TENM2: variants seen among roughly 807,000 people sequenced by gnomAD.
TENM2 encodes teneurin transmembrane protein 2, also known as teneurin-2.
In TENM2, 52 loss-of-function variants were observed where a neutral mutation model predicts 245.2. That is an observed-to-expected ratio of 0.21 (90% CI 0.17 to 0.27). TENM2 has a LOEUF of 0.27. Ranked by LOEUF, TENM2 falls within the 10% of genes least tolerant of loss-of-function variation. The pLI is 1.00. For missense variants in TENM2, 3,046 were observed against 3,666.8 expected, an observed-to-expected ratio of 0.83 and a Z score of 4.37; for synonymous variants, 1,363 against 1,438.9, an observed-to-expected ratio of 0.95 and a Z score of 1.19.
intron 5 of TENM2, among the ~76,000 whole-genome samples, chr5:167,994,534 A>T (rs1035198661): frequency 6.6e-6 from 1 of 152,230 alleles, no homozygotes; most frequent in African/African-American, 2.4e-5. Flanking sequence ...AGGCAGACCA[A>T]TATGAGCCAA....
At chr5:167,520,826 G>A (rs1187978929) in intron 2 of TENM2, among the ~76,000 whole-genome samples, 3 of 151,238 alleles carry the variant, frequency 2.0e-5, no homozygotes, top group African/African-American at 7.3e-5. Flanking sequence ...TCTCAATTGG[G>A]CCTTTCACTT....
intron 2 of TENM2, among the ~76,000 whole-genome samples, chr5:167,516,744 G>A (rs114702387): frequency 0.011 from 1,648 of 152,092 alleles, 33 homozygotes; most frequent in African/African-American, 0.037. Flanking sequence ...CAGGGTTTTC[G>A]CATCATATTC....
chr5:167,781,921 A>T (rs1764212217), intron 2 of TENM2, among the ~76,000 whole-genome samples: 3 of 152,062 alleles, frequency 2.0e-5, no homozygotes, highest in Admixed American at 2.0e-4. Flanking sequence ...AGGCAGGTGA[A>T]TCAATTGAGC....
At chr5:167,353,485 T>TTTTTG in intron 1 of TENM2, among the ~76,000 whole-genome samples, 1 of 19,500 alleles carries the variant, frequency 5.1e-5, no homozygotes, top group African/African-American at 3.1e-4. Flanking sequence ...TATGGTGTTT[T>TTTTTG]TTGTTGTTGT....
intron 5 of TENM2, among the ~76,000 whole-genome samples, chr5:168,025,977 C>T (rs549717502): frequency 2.0e-5 from 3 of 152,064 alleles, no homozygotes; most frequent in Non-Finnish European, 2.9e-5. Flanking sequence ...GGCTCACTTG[C>T]GATGGGGAAC....
intron 1 of TENM2, chr5:167,308,054 G>T (rs1056939636): frequency 3.3e-5 from 5 of 152,332 alleles, no homozygotes; most frequent in African/African-American, 1.2e-4. Flanking sequence ...GCTGTTTCCT[G>T]TGTGAATAGA....
chr5:167,309,607 C>T (rs964758798), intron 1 of TENM2, among the ~76,000 whole-genome samples: 3 of 152,108 alleles, frequency 2.0e-5, no homozygotes, highest in Non-Finnish European at 4.4e-5. Context: ...TATGGAAAGG[C>T]TTTAGAACCT....
In TENM2 at chr5:168,009,510, C is replaced by T. The variant is rs140301475; in HGVS notation, c.1186+16328C>T. ...GAATGTGCCTTTGCCCTCCTCCCCCCGCCCTCTCTCTCCACCACACTGAAG... is the reference window on the plus strand; with the variant it reads ...GAATGTGCCTTTGCCCTCCTCCCCCTGCCCTCTCTCTCCACCACACTGAAG... On this transcript the variant is annotated intron_variant, in intron 5 of 28. Transcript: ENST00000518659. 2.0e-4 allele frequency among the ~76,000 whole-genome samples: 30 copies of T among 152,238 alleles called. 1 individual carries two copies. The highest frequency in any genetic ancestry group is 4.2e-4 in the South Asian group (2 of 4,818).
At chr5:168,079,042 T>C (rs1207137626) in intron 7 of TENM2, among the ~76,000 whole-genome samples, 3 of 152,242 alleles carry the variant, frequency 2.0e-5, no homozygotes, top group Admixed American at 2.0e-4. Context: ...TTTCACAATA[T>C]TGATTCTTCC....
chr5:167,915,140 AT>A (rs1292342690), intron 3 of TENM2, among the ~76,000 whole-genome samples: 4 of 152,060 alleles, frequency 2.6e-5, no homozygotes, highest in Non-Finnish European at 5.9e-5. Flanking sequence ...TTCACTCCCG[AT>A]TGGGATGAGA....
At chr5:167,227,250 G>T in the TENM2 span, among the ~76,000 whole-genome samples, 1 of 151,844 alleles carries the variant, frequency 6.6e-6, no homozygotes, top group East Asian at 1.9e-4. Context: ...TACATTCTTT[G>T]TTCCTTTATT....
chr5:168,251,207 A>G (rs1767085200), intron 27 of TENM2, among the ~76,000 whole-genome samples: 1 of 152,222 alleles, frequency 6.6e-6, no homozygotes, highest in Admixed American at 6.5e-5. Context: ...GGCTGAACAG[A>G]CATGTCCCGC....
the TENM2 span, among the ~76,000 whole-genome samples, chr5:167,088,891 G>A: frequency 6.6e-6 from 1 of 152,158 alleles, no homozygotes; most frequent in Non-Finnish European, 1.5e-5. Flanking sequence ...GTTGACTGAA[G>A]TCCCACCTCA....
At chr5:167,606,978 G>A (rs1777099861) in intron 2 of TENM2, among the ~76,000 whole-genome samples, 1 of 152,124 alleles carries the variant, frequency 6.6e-6, no homozygotes, top group South Asian at 2.1e-4. Context: ...TTTTCTGGTA[G>A]CCTTGAATTG....
Position 167,810,438 on chromosome 5 carries a change from T to G in TENM2, c.503-65548T>G, listed in dbSNP as rs572404634. 3.9e-5 allele frequency among the ~76,000 whole-genome samples: 6 copies of G among 151,974 alleles called. No homozygotes were observed. In the South Asian group the frequency reaches 6.2e-4, roughly 16 times the overall value. Reference sequence around the variant, plus strand: ...ATTTTTTCCCCTTAACGGAACTTGGTCTCCCCATTTCGCCACCATTACATG... The same window carrying G: ...ATTTTTTCCCCTTAACGGAACTTGGGCTCCCCATTTCGCCACCATTACATG... On this transcript the variant is annotated intron_variant, in intron 2 of 28. Transcript: ENST00000518659.
chr5:167,971,777 G>A (rs978932800), intron 4 of TENM2, among the ~76,000 whole-genome samples: 2 of 152,170 alleles, frequency 1.3e-5, no homozygotes, highest in African/African-American at 4.8e-5. Context: ...TTTAAGTGAA[G>A]GGGTCATCAT....
chr5:168,030,341 G>C (rs1787028873), intron 5 of TENM2, among the ~76,000 whole-genome samples: 1 of 151,900 alleles, frequency 6.6e-6, no homozygotes, highest in Non-Finnish European at 1.5e-5. Flanking sequence ...AAACAGACAA[G>C]AGGAGCTTGT....
intron 3 of TENM2, among the ~76,000 whole-genome samples, chr5:167,923,731 C>T (rs994668346): frequency 2.6e-5 from 4 of 152,096 alleles, no homozygotes; most frequent in Non-Finnish European, 5.9e-5. Flanking sequence ...CTATTGAATA[C>T]TCTGCCCACA....
intron 2 of TENM2, among the ~76,000 whole-genome samples, chr5:167,872,012 G>T (rs1381702949): frequency 2.6e-5 from 4 of 152,016 alleles, no homozygotes; most frequent in African/African-American, 9.7e-5. Flanking sequence ...CAGCATACCA[G>T]GGCTGGCATG....
Sources: gnomAD v4.1 joint callset for allele counts (sites outside exome capture counted in the v4.1 genomes callset) on GRCh38, gnomAD v4.1.1 for gene constraint, MANE v1.5 for transcripts, NCBI Gene and HGNC (gene_info 2026-07-23, HGNC 2026-07-21) for gene names.